The following CALCRL variants were observed in gnomAD, a reference collection of about 807,000 sequenced individuals.
The protein encoded by CALCRL is calcitonin receptor like receptor, also known as calcitonin gene-related peptide type 1 receptor.
In CALCRL, 27 loss-of-function variants were observed where a neutral mutation model predicts 60.4. The ratio of observed to expected loss-of-function variants is 0.45; its 90% confidence interval spans 0.33 to 0.62. The LOEUF (loss-of-function observed/expected upper bound fraction) is 0.62. Ranked by LOEUF, CALCRL falls within the 20% of genes least tolerant of loss-of-function variation. The probability of loss-of-function intolerance (pLI) is 0.03; values close to 1 mark genes in which losing one functional copy is unlikely to be tolerated. For synonymous variants in CALCRL, 190 were observed against 182.6 expected, an observed-to-expected ratio of 1.04 and a Z score of -0.33; for missense variants, 424 against 540.7, an observed-to-expected ratio of 0.78 and a Z score of 2.14.
At position 187,379,032 on chromosome 2, in the gene CALCRL, C is replaced by G; in HGVS notation, c.409-1G>C. The G allele has an allele frequency of 6.3e-7, 1 of 1,587,130 alleles. No individual in the cohort carries two copies. Among genetic ancestry groups the G allele is most frequent in the Non-Finnish European group, 8.6e-7 (1 of 1,158,780 alleles). On this transcript the variant is annotated splice_acceptor_variant, in intron 7 of 14. Coordinates refer to ENST00000392370, the MANE Select transcript of CALCRL (RefSeq NM_005795.6). LOFTEE classifies it high-confidence loss of function. ...TCAGGTAAAACAAATTTAGTGCAGT[C>G]TGTAATTTGTATAAACAAAAAAATT... is the stretch of plus-strand genomic sequence containing the variant.
At chr2:187,413,873 A>G (rs1574295614) in intron 1 of CALCRL, among the ~76,000 whole-genome samples, 1 of 152,082 alleles carries the variant, frequency 6.6e-6, no homozygotes, top group African/African-American at 2.4e-5. Flanking sequence ...TTGAGGCTGT[A>G]TTGTGTTAAG....
At chr2:187,407,797 A>T (rs991981310) in intron 1 of CALCRL, among the ~76,000 whole-genome samples, 1 of 152,118 alleles carries the variant, frequency 6.6e-6, no homozygotes, top group African/African-American at 2.4e-5. Context: ...CACTACATTG[A>T]ATATGAATAA....
intron 8 of CALCRL, among the ~76,000 whole-genome samples, chr2:187,373,069 C>CTT (rs1478029103): frequency 7.2e-5 from 11 of 152,026 alleles, no homozygotes; most frequent in African/African-American, 1.7e-4. Context: ...CTGAAGGTCA[C>CTT]AAATAAGGCA....
chr2:187,411,978 CAAAAAAAAAA>C (rs56075258), intron 1 of CALCRL, among the ~76,000 whole-genome samples: 2 of 61,474 alleles, frequency 3.3e-5, no homozygotes, highest in Non-Finnish European at 6.6e-5. Context: ...GACTCTGTCT[CAAAAAAAAAA>C]AAAAAAAAAA....
intron 1 of CALCRL, among the ~76,000 whole-genome samples, chr2:187,401,507 A>G (rs1688885996): frequency 1.3e-5 from 2 of 151,660 alleles, no homozygotes; most frequent in South Asian, 4.1e-4. Flanking sequence ...TAATTCATGC[A>G]CAAAATATTG....
rs139688355 is a variant in CALCRL, at chr2:187,424,789, G to C, written c.-293+23250C>G. 8.5e-3 allele frequency among the ~76,000 whole-genome samples: 1,285 copies of C among 152,010 alleles called. 13 individuals carry two copies. The highest frequency in any genetic ancestry group is 0.014 in the Non-Finnish European group (927 of 67,864). On this transcript the variant is annotated intron_variant, in intron 1 of 14. Coordinates refer to ENST00000392370, the MANE Select transcript of CALCRL (RefSeq NM_005795.6). ...TTTACTTCATCATATTCATACTGGA[G>C]TCTACATAATTTGGGAAGAAGAAAT...
chr2:187,395,297 G>C (rs531142418), intron 1 of CALCRL, among the ~76,000 whole-genome samples: 1 of 152,172 alleles, frequency 6.6e-6, no homozygotes, highest in African/African-American at 2.4e-5. Context: ...TGCTTATTCA[G>C]TTATTTTGCT....
chr2:187,360,782 C>T (rs760022588), intron 9 of CALCRL, 31 bp from the exon 10 acceptor site: 1 of 1,579,466 alleles, frequency 6.3e-7, no homozygotes, highest in South Asian at 1.2e-5. Context: ...CCAATATTTA[C>T]TTGTTTATGA....
intron 1 of CALCRL, among the ~76,000 whole-genome samples, chr2:187,399,851 A>G (rs1335017149): frequency 6.6e-6 from 1 of 151,562 alleles, no homozygotes; most frequent in East Asian, 1.9e-4. Flanking sequence ...CAGAAAAGAA[A>G]GATGAATACT....
rs771764323 is a variant in CALCRL at position 187,360,659 on chromosome 2, G to C, written c.720C>G (p.Leu240=). 6.2e-7 allele frequency: 1 copy of C among 1,612,662 alleles called. No individual in the cohort carries two copies. Among genetic ancestry groups the C allele is most frequent in the Non-Finnish European group, 8.5e-7 (1 of 1,179,170 alleles). Residue 240 remains leucine, a synonymous_variant, in exon 10 of 15, where the codon CTC becomes CTG. Coordinates refer to ENST00000392370, the MANE Select transcript of CALCRL (RefSeq NM_005795.6). ...MLCEGIYLHT[L]IVVAVFAEKQ... ...TCTCTGCAAACACGGCCACCACAAT[G>C]AGTGTGTGTAGGTAAATGCCTTCAC...
intron 4 of CALCRL, 44 bp downstream of exon 4, chr2:187,385,501 C>T (rs769689470): frequency 1.0e-6 from 1 of 971,622 alleles, no homozygotes; most frequent in Non-Finnish European, 1.6e-6. Context: ...TATAGGTATA[C>T]TGGAAGCAAT....
chr2:187,411,357 C>G (rs1463558911), intron 1 of CALCRL, among the ~76,000 whole-genome samples: 1 of 152,142 alleles, frequency 6.6e-6, no homozygotes, highest in Non-Finnish European at 1.5e-5. Context: ...ATAACATTAT[C>G]TGCTACACCT....
At chr2:187,436,210 C>T (rs1237241285) in intron 1 of CALCRL, among the ~76,000 whole-genome samples, 1 of 152,090 alleles carries the variant, frequency 6.6e-6, no homozygotes, top group East Asian at 1.9e-4. Flanking sequence ...ATGCCCTATT[C>T]ATACAACATC....
At chr2:187,368,803 A>C (rs1687404405) in intron 8 of CALCRL, among the ~76,000 whole-genome samples, 1 of 152,102 alleles carries the variant, frequency 6.6e-6, no homozygotes, top group Non-Finnish European at 1.5e-5. Flanking sequence ...CCCCCAAAAA[A>C]CACTAGCAAC....
chr2:187,444,501 C>A (rs189031754), intron 1 of CALCRL, among the ~76,000 whole-genome samples: 134 of 151,482 alleles, frequency 8.8e-4, no homozygotes, highest in African/African-American at 3.1e-3. Flanking sequence ...AAAGTAAATA[C>A]ACTATTTGGG....
chr2:187,356,895 T>A (rs1243113828), intron 12 of CALCRL, among the ~76,000 whole-genome samples: 1 of 151,886 alleles, frequency 6.6e-6, no homozygotes, highest in Non-Finnish European at 1.5e-5. Context: ...AACAAACATA[T>A]GAAAAAAAGC....
chr2:187,365,965 C>T (rs12474804), intron 8 of CALCRL, among the ~76,000 whole-genome samples: 22,542 of 151,986 alleles, frequency 0.15, 2,296 homozygotes, highest in East Asian at 0.39. Context: ...AGGAATAGGC[C>T]GGGCGCGGTG....
intron 9 of CALCRL, among the ~76,000 whole-genome samples, chr2:187,362,276 A>G (rs1030330415): frequency 1.3e-5 from 2 of 152,032 alleles, no homozygotes; most frequent in African/African-American, 4.8e-5. Context: ...AAAACTCTGA[A>G]TCTCCTTGTC....
At chr2:187,362,480 A>C (rs1392218628) in intron 9 of CALCRL, among the ~76,000 whole-genome samples, 1 of 152,090 alleles carries the variant, frequency 6.6e-6, no homozygotes, top group Non-Finnish European at 1.5e-5. Flanking sequence ...CATAAAACAC[A>C]CATGAGACTG....
Sources: allele counts gnomAD v4.1 joint callset (sites outside exome capture counted in the v4.1 genomes callset), GRCh38; gene constraint gnomAD v4.1.1; transcripts MANE v1.5; gene names NCBI Gene and HGNC (gene_info 2026-07-23, HGNC 2026-07-21).